PLCH2: variants seen among roughly 807,000 people sequenced by gnomAD.
The protein encoded by PLCH2 is 1-phosphatidylinositol 4,5-bisphosphate phosphodiesterase eta-2.
Under a neutral mutation model 134.7 loss-of-function variants are expected in PLCH2, and 98 were observed. That is an observed-to-expected ratio of 0.73 (90% confidence interval 0.62 to 0.86). The LOEUF (loss-of-function observed/expected upper bound fraction) is 0.86, where lower values mean the gene tolerates loss of function less well. PLCH2 is among the 40% of genes least tolerant of loss of function. The probability of loss-of-function intolerance (pLI) is 0.00; values close to 1 mark genes in which losing one functional copy is unlikely to be tolerated. For synonymous variants in PLCH2, 974 were observed against 827.5 expected (o/e 1.18, Z -3.04); for missense variants, 1,994 against 1,986.6 (o/e 1.00, Z -0.07).
rs1050996560 is a variant in PLCH2 at position 2,504,214 on chromosome 1, C to T, written c.3252C>T (p.Thr1084=). ...SQTDGRSQPR[T]LGHLPVIRRV... is the part of the protein sequence containing the mutation. ...CGGACGGCAGGAGCCAGCCCCGGACCCTGGGCCACCTGCCCGTGATTAGAA... is the reference window on the plus strand; with the variant it reads ...CGGACGGCAGGAGCCAGCCCCGGACTCTGGGCCACCTGCCCGTGATTAGAA... The change falls in exon 22 of 22, where the codon ACC becomes ACT. Residue 1084 remains threonine (T), a synonymous_variant. Coordinates refer to ENST00000378486, the MANE Select transcript of PLCH2 (RefSeq NM_014638.4). 2 of 1,561,328 alleles carry T rather than the reference C, an allele frequency of 1.3e-6. No homozygotes were observed. The highest frequency in any genetic ancestry group is 3.9e-5 in the Admixed American group (2 of 51,856).
At chr1:2,461,593 T>G (rs1313876395) in intron 2 of PLCH2, among the ~76,000 whole-genome samples, 1 of 152,170 alleles carries the variant, frequency 6.6e-6, no homozygotes, top group East Asian at 1.9e-4. Flanking sequence ...GGGCCTCGGC[T>G]CCCCTCCAGC....
upstream of PLCH2, among the ~76,000 whole-genome samples, chr1:2,421,447 A>G (rs1403390650): frequency 6.6e-6 from 1 of 152,240 alleles, no homozygotes; most frequent in African/African-American, 2.4e-5. Context: ...AAATACTATA[A>G]AAAGCAAAGG....
chr1:2,447,519 G>A (rs532581444), intron 2 of PLCH2, among the ~76,000 whole-genome samples: 6 of 152,338 alleles, frequency 3.9e-5, no homozygotes, highest in South Asian at 4.1e-4. Flanking sequence ...GGGAGGCCCC[G>A]TGTTGAGGGC....
chr1:2,419,073 CT>C, the PLCH2 span, among the ~76,000 whole-genome samples: 1,668 of 152,324 alleles, frequency 0.011, 46 homozygotes, highest in Non-Finnish European at 0.012. Context: ...CATGTGACAC[CT>C]GGCCAAGGAT....
At chr1:2,481,656 C>T (rs1570416611) in intron 4 of PLCH2, among the ~76,000 whole-genome samples, 1 of 152,262 alleles carries the variant, frequency 6.6e-6, no homozygotes, top group African/African-American at 2.4e-5. Flanking sequence ...GGACAGTCTG[C>T]AGGGCTGGCT....
At chr1:2,462,892 G>T (rs1349607319), upstream of PLCH2, among the ~76,000 whole-genome samples, 1 of 152,198 alleles carries the variant, frequency 6.6e-6, no homozygotes, top group African/African-American at 2.4e-5. Context: ...GCCCTTCGAG[G>T]CCCCCACAGT....
At chr1:2,435,636 C>A (rs575920044) in intron 2 of PLCH2, among the ~76,000 whole-genome samples, 1 of 152,170 alleles carries the variant, frequency 6.6e-6, no homozygotes, top group African/African-American at 2.4e-5. Context: ...CAGCGTGACA[C>A]GGCTCTCAGA....
chr1:2,436,055 TCCTC>T (rs1639329460), intron 2 of PLCH2, among the ~76,000 whole-genome samples: 2 of 50,826 alleles, frequency 3.9e-5, no homozygotes, highest in Non-Finnish European at 7.5e-5. Context: ...CCTCTCTCCT[TCCTC>T]CCCTCCTCCC....
At position 2,483,752 on chromosome 1, in the gene PLCH2, T is replaced by TTGACCCCCGTGTGGGGGGCGC. The variant is rs1558004524; in HGVS notation, c.646-686_646-685insGTGGGGGGCGCTGACCCCCGT. Among the ~76,000 whole-genome samples, 109 of 115,016 alleles carry TTGACCCCCGTGTGGGGGGCGC rather than the reference T, an allele frequency of 9.5e-4. 3 individuals are homozygous for TTGACCCCCGTGTGGGGGGCGC. Among genetic ancestry groups the TTGACCCCCGTGTGGGGGGCGC allele is most frequent in the Non-Finnish European group, 1.3e-3 (70 of 52,636 alleles). The allele number at this position is 115,016 out of a possible 152,430, so 75.5% of individuals were successfully genotyped here. ...CCAGCCTCCAGCCCAGAGTGTGTTG[T>TTGACCCCCGTGTGGGGGGCGC]TGACCCCCGTTTGGGGGGGCGCTGA... On this transcript the variant is annotated intron_variant, in intron 4 of 21. Transcript: ENST00000378486.
intron 1 of PLCH2, among the ~76,000 whole-genome samples, chr1:2,477,223 G>A (rs1299177437): frequency 4.6e-5 from 7 of 152,152 alleles, no homozygotes; most frequent in Non-Finnish European, 8.8e-5. Context: ...GCGGCAGACA[G>A]GGTCCTGTCC....
At chr1:2,478,370 GC>G in intron 1 of PLCH2, 105 bp from the exon 2 acceptor site, 2 of 1,392,410 alleles carry the variant, frequency 1.4e-6, no homozygotes, top group Non-Finnish European at 2.0e-6. Flanking sequence ...TCCGCTGACG[GC>G]CGTGTTTCTC....
intron 21 of PLCH2, chr1:2,503,255 C>T (rs1318145229): frequency 3.4e-5 from 19 of 557,584 alleles, no homozygotes; most frequent in Middle Eastern, 4.8e-4. Flanking sequence ...ACCTCCTGGG[C>T]GGCTGGCGAC....
intron 11 of PLCH2, among the ~76,000 whole-genome samples, chr1:2,491,924 G>C (rs12091002): frequency 0.014 from 2,084 of 150,114 alleles, 29 homozygotes; most frequent in South Asian, 0.04. Flanking sequence ...GACCTCGAAG[G>C]AGCCAGGAGC....
At chr1:2,416,209 G>A in the PLCH2 span, among the ~76,000 whole-genome samples, 5 of 152,362 alleles carry the variant, frequency 3.3e-5, no homozygotes, top group African/African-American at 1.2e-4. Context: ...GGTGGGCCCA[G>A]GAGCTGGACG....
chr1:2,428,632 G>T (rs879849354), intron 1 of PLCH2, among the ~76,000 whole-genome samples: 1 of 152,254 alleles, frequency 6.6e-6, no homozygotes, highest in African/African-American at 2.4e-5. Flanking sequence ...CGGAGCCCAC[G>T]CCCGGCCCTT....
upstream of PLCH2, among the ~76,000 whole-genome samples, chr1:2,422,629 C>T (rs891308152): frequency 6.6e-6 from 1 of 152,154 alleles, no homozygotes; most frequent in African/African-American, 2.4e-5. Context: ...GTTACATTAT[C>T]ATCTGTTGTG....
At chr1:2,472,224 G>C (rs1288583273), upstream of PLCH2, among the ~76,000 whole-genome samples, 2 of 152,196 alleles carry the variant, frequency 1.3e-5, no homozygotes, top group Non-Finnish European at 2.9e-5. Flanking sequence ...GCTTCTCTCA[G>C]ACGTTTAAAT....
intron 8 of PLCH2, among the ~76,000 whole-genome samples, chr1:2,488,872 A>G (rs1002071292): frequency 1.3e-5 from 2 of 152,230 alleles, no homozygotes; most frequent in African/African-American, 4.8e-5. Context: ...TTTTGTCCAC[A>G]TCATTTTAAA....
Position 2,504,752 on chromosome 1 carries a change from GACTTT to G in PLCH2, c.3791_3795del (p.Asp1264GlyfsTer3), listed in dbSNP as rs1419591699. The G allele has an allele frequency of 8.7e-6, 14 of 1,612,370 alleles. No homozygotes were observed. Among genetic ancestry groups the G allele is most frequent in the Non-Finnish European group, 1.0e-5 (12 of 1,179,800 alleles). ...GAGCCTGGGCGACCTCACTGCTGATGACTTTGCCCCTAGCTTTGAGGGCGGCTCCC... is the reference window on the plus strand; with the variant it reads ...GAGCCTGGGCGACCTCACTGCTGATGGCCCCTAGCTTTGAGGGCGGCTCCC... On this transcript the variant is annotated frameshift_variant, in exon 22 of 22. Transcript: ENST00000378486. LOFTEE classifies it high-confidence loss of function.
Sources: allele counts gnomAD v4.1 joint callset (sites outside exome capture counted in the v4.1 genomes callset), GRCh38; gene constraint gnomAD v4.1.1; transcripts MANE v1.5; gene names NCBI Gene and HGNC (gene_info 2026-07-23, HGNC 2026-07-21).